CDH12: variants seen among roughly 807,000 people sequenced by gnomAD.
CDH12 encodes the protein cadherin 12, also known as cadherin-12.
In CDH12, 41 loss-of-function variants were observed where a neutral mutation model predicts 74.1. That is an observed-to-expected ratio of 0.55 (90% CI 0.43 to 0.72). The LOEUF is 0.72. Ranked by LOEUF, CDH12 falls within the 30% of genes least tolerant of loss-of-function variation. The pLI, the probability that CDH12 is intolerant of heterozygous loss-of-function variation, is 0.00. For synonymous variants in CDH12, 399 were observed against 355.0 expected, an observed-to-expected ratio of 1.12 and a Z score of -1.39; for missense variants, 945 against 977.2, an observed-to-expected ratio of 0.97 and a Z score of 0.44.
chr5:21,933,840 C>A (rs1355020706), intron 6 of CDH12, among the ~76,000 whole-genome samples: 1 of 152,132 alleles, frequency 6.6e-6, no homozygotes, highest in Non-Finnish European at 1.5e-5. Context: ...GAATTCATTA[C>A]ACATTTGTTC....
intron 1 of CDH12, among the ~76,000 whole-genome samples, chr5:22,654,561 A>T: frequency 6.6e-6 from 1 of 151,302 alleles, no homozygotes. Flanking sequence ...AAGTGCTGGG[A>T]TTACAGGCAT....
chr5:22,202,147 TTTCCTTCCTTCCTTCCTTCCTCCC>T (rs1399419092), intron 4 of CDH12, among the ~76,000 whole-genome samples: 40 of 41,128 alleles, frequency 9.7e-4, no homozygotes, highest in African/African-American at 3.1e-3. Context: ...CCCTCCCTAC[TTTCCTTCCTTCCTTCCTTCCTCCC>T]TTCCTTCCTT....
intron 5 of CDH12, among the ~76,000 whole-genome samples, chr5:22,034,654 A>C (rs1739049308): frequency 6.6e-6 from 1 of 152,228 alleles, no homozygotes; most frequent in African/African-American, 2.4e-5. Context: ...CTGGTGAACA[A>C]AAAGTAAATC....
At chr5:22,773,263 T>G (rs1308615224) in intron 1 of CDH12, among the ~76,000 whole-genome samples, 2 of 151,880 alleles carry the variant, frequency 1.3e-5, no homozygotes, top group African/African-American at 2.4e-5. Flanking sequence ...ATACTATAAA[T>G]GTACAGTAAC....
At chr5:22,458,490 C>T (rs1328805287) in intron 2 of CDH12, among the ~76,000 whole-genome samples, 3 of 152,098 alleles carry the variant, frequency 2.0e-5, no homozygotes, top group Non-Finnish European at 2.9e-5. Flanking sequence ...CAGAACCTAC[C>T]AAGTACAACA....
Position 22,407,126 on chromosome 5 carries a change from T to C in CDH12, c.-427-1775A>G, listed in dbSNP as rs990161646. 2.0e-5 allele frequency among the ~76,000 whole-genome samples: 3 copies of C among 152,072 alleles called. No individual in the cohort carries two copies. The East Asian group carries it at 5.8e-4, about 29-fold the overall frequency. On this transcript the variant is annotated intron_variant, in intron 2 of 14. Coordinates refer to ENST00000382254, the MANE Select transcript of CDH12 (RefSeq NM_004061.5). ...CTCTAAGTAAAATTGTACATCAATG[T>C]ACACATTATATCCAGCAGCCTATTC...
intron 3 of CDH12, among the ~76,000 whole-genome samples, chr5:22,280,409 C>G (rs917982869): frequency 2.0e-5 from 3 of 151,996 alleles, no homozygotes; most frequent in Admixed American, 2.0e-4. Flanking sequence ...ACGAAAAACC[C>G]TTCAAAAAAT....
At chr5:22,097,678 C>T (rs1169214475) in intron 4 of CDH12, among the ~76,000 whole-genome samples, 1 of 152,096 alleles carries the variant, frequency 6.6e-6, no homozygotes, top group Non-Finnish European at 1.5e-5. Context: ...CCTTTTCCCC[C>T]AGTTCAAAGC....
At chr5:22,413,972 A>T (rs910214837) in intron 2 of CDH12, among the ~76,000 whole-genome samples, 1 of 151,976 alleles carries the variant, frequency 6.6e-6, no homozygotes, top group African/African-American at 2.4e-5. Flanking sequence ...TTAAATAAAA[A>T]TTTTCTTCAG....
intron 5 of CDH12, among the ~76,000 whole-genome samples, chr5:22,023,388 T>G (rs568120121): frequency 6.6e-6 from 1 of 152,294 alleles, no homozygotes; most frequent in East Asian, 1.9e-4. Flanking sequence ...TACTTAAAAA[T>G]CTGTATTAAA....
chr5:21,889,541 C>T, intron 6 of CDH12: 1 of 968,802 alleles, frequency 1.0e-6, no homozygotes, highest in Non-Finnish European at 1.2e-6. Context: ...AGCTAGACTC[C>T]TGAAGCTGTT....
chr5:22,685,701 G>T (rs912632540), intron 1 of CDH12, among the ~76,000 whole-genome samples: 4 of 152,134 alleles, frequency 2.6e-5, no homozygotes, highest in African/African-American at 9.7e-5. Context: ...TGTTTTCAAG[G>T]TTCATCAATG....
chr5:22,485,677 T>G (rs899020700), intron 2 of CDH12, among the ~76,000 whole-genome samples: 3 of 152,196 alleles, frequency 2.0e-5, no homozygotes, highest in Non-Finnish European at 4.4e-5. Context: ...AGCTTTAAGT[T>G]AGATTTTACC....
At chr5:21,999,368 G>A (rs539852091) in intron 5 of CDH12, among the ~76,000 whole-genome samples, 5 of 152,080 alleles carry the variant, frequency 3.3e-5, no homozygotes, top group African/African-American at 1.2e-4. Context: ...TTCAAAATGT[G>A]GGTCTAAAAG....
At chr5:22,443,432 C>T (rs888380405) in intron 2 of CDH12, among the ~76,000 whole-genome samples, 2 of 152,012 alleles carry the variant, frequency 1.3e-5, no homozygotes, top group African/African-American at 2.4e-5. Flanking sequence ...ATATCAATTA[C>T]GTAAGTGTTG....
chr5:22,460,006 A>T (rs1745437615), intron 2 of CDH12, among the ~76,000 whole-genome samples: 1 of 152,118 alleles, frequency 6.6e-6, no homozygotes, highest in East Asian at 1.9e-4. Context: ...TCACTATCTA[A>T]TTCATAAAAT....
At chr5:22,534,784 A>C (rs747851104) in intron 1 of CDH12, among the ~76,000 whole-genome samples, 2 of 149,008 alleles carry the variant, frequency 1.3e-5, no homozygotes, top group Non-Finnish European at 3.0e-5. Flanking sequence ...CTGTTTTAAG[A>C]TTCAAAGTTT....
Position 22,015,726 on chromosome 5 carries a change from T to C in CDH12, c.232-40341A>G, listed in dbSNP as rs1396725194. Among the ~76,000 whole-genome samples, 5 of 152,168 alleles carry C rather than the reference T, an allele frequency of 3.3e-5. No individual in the cohort carries two copies. In the East Asian group the frequency reaches 9.6e-4, roughly 29 times the overall value. On this transcript the variant is annotated intron_variant, in intron 5 of 14. Transcript: ENST00000382254. ...ATTTTGCATATATTCTTCAACTTTG[T>C]TCTTTTACAGTGAAGTACCGTGACA...
chr5:22,332,376 A>G (rs930053667), intron 3 of CDH12, among the ~76,000 whole-genome samples: 8 of 152,220 alleles, frequency 5.3e-5, no homozygotes, highest in Non-Finnish European at 8.8e-5. Flanking sequence ...TGCAGAAGAA[A>G]TAATACTTTT....
Sources: allele counts gnomAD v4.1 joint callset (sites outside exome capture counted in the v4.1 genomes callset), GRCh38; gene constraint gnomAD v4.1.1; transcripts MANE v1.5; gene names NCBI Gene and HGNC (gene_info 2026-07-23, HGNC 2026-07-21).